NME7: variants seen among roughly 807,000 people sequenced by gnomAD.
The protein encoded by NME7 is nucleoside diphosphate kinase 7.
NME7 carries 41 observed loss-of-function variants against 49.1 expected under a neutral mutation model. The observed-to-expected ratio is 0.83, with a 90% confidence interval of 0.65 to 1.08. NME7 has a LOEUF of 1.08. NME7 is among the 50% of genes least tolerant of loss of function. The probability of loss-of-function intolerance (pLI) is 0.00; values close to 1 mark genes in which losing one functional copy is unlikely to be tolerated. For missense variants in NME7, 423 were observed against 463.4 expected (o/e 0.91, Z 0.80); for synonymous variants, 139 against 150.6 (o/e 0.92, Z 0.56).
intron 7 of NME7, among the ~76,000 whole-genome samples, chr1:169,279,738 G>A (rs149947038): frequency 9.9e-5 from 15 of 152,236 alleles, no homozygotes; most frequent in South Asian, 2.1e-4. Context: ...AGATGAACCC[G>A]GTACCTCAGA....
At chr1:169,334,564 A>C (rs1244062582) in intron 1 of NME7, among the ~76,000 whole-genome samples, 1 of 152,228 alleles carries the variant, frequency 6.6e-6, no homozygotes, top group Non-Finnish European at 1.5e-5. Context: ...AAATTAACTC[A>C]AGATGGATTA....
At chr1:169,232,912 C>CTTTTTTTTTTTTTTTTTTTTTTTTT (rs10545228) in intron 9 of NME7, among the ~76,000 whole-genome samples, 1 of 74,528 alleles carries the variant, frequency 1.3e-5, no homozygotes, top group African/African-American at 5.0e-5. Context: ...GTTTTCTTTT[C>CTTTTTTTTTTTTTTTTTTTTTTTTT]TTTTTTTTTT....
At chr1:169,275,679 C>T (rs1418229328) in intron 7 of NME7, among the ~76,000 whole-genome samples, 1 of 130,516 alleles carries the variant, frequency 7.7e-6, no homozygotes, top group Non-Finnish European at 1.8e-5. Flanking sequence ...CCCTTTATTT[C>T]CTTCTCCTGC....
intron 7 of NME7, among the ~76,000 whole-genome samples, chr1:169,244,243 T>C (rs768136901): frequency 6.6e-6 from 1 of 152,180 alleles, no homozygotes; most frequent in Non-Finnish European, 1.5e-5. Flanking sequence ...ACCATTCTGA[T>C]TCTTATCAAT....
chr1:169,313,620 T>C (rs1412693305), intron 3 of NME7, among the ~76,000 whole-genome samples: 1 of 152,102 alleles, frequency 6.6e-6, no homozygotes, highest in Non-Finnish European at 1.5e-5. Flanking sequence ...TTTACATATA[T>C]GCAATACACC....
chr1:169,219,058 T>G (rs1179158564), intron 10 of NME7, among the ~76,000 whole-genome samples: 1 of 152,192 alleles, frequency 6.6e-6, no homozygotes, highest in Non-Finnish European at 1.5e-5. Context: ...GGAACTTTCC[T>G]TCTTTGCCAA....
intron 10 of NME7, among the ~76,000 whole-genome samples, chr1:169,172,856 T>C (rs1223947945): frequency 1.3e-5 from 2 of 152,240 alleles, no homozygotes; most frequent in East Asian, 1.9e-4. Context: ...ACTTCCAATA[T>C]AGGCCTTCTT....
chr1:169,252,659 T>A (rs1648685300), intron 7 of NME7, among the ~76,000 whole-genome samples: 1 of 152,156 alleles, frequency 6.6e-6, no homozygotes. Flanking sequence ...TGAATGGTAA[T>A]CCCTAGGTTT....
chr1:169,315,919 T>C (rs554335566), intron 3 of NME7, among the ~76,000 whole-genome samples: 1 of 152,156 alleles, frequency 6.6e-6, no homozygotes, highest in South Asian at 2.1e-4. Context: ...GAATATATAA[T>C]TCTGTAACTA....
At chr1:169,300,527 A>T (rs1436817647) in intron 5 of NME7, among the ~76,000 whole-genome samples, 1 of 152,170 alleles carries the variant, frequency 6.6e-6, no homozygotes, top group Admixed American at 6.6e-5. Flanking sequence ...CAAAATATTC[A>T]CTTAAATTTA....
chr1:169,358,527 T>TA (rs1007235552), intron 1 of NME7, among the ~76,000 whole-genome samples: 20 of 152,102 alleles, frequency 1.3e-4, no homozygotes, highest in African/African-American at 3.6e-4. Flanking sequence ...AAATAATAGT[T>TA]AAAAAAAGGC....
At chr1:169,338,465 A>C (rs977898911) in intron 1 of NME7, among the ~76,000 whole-genome samples, 1 of 152,216 alleles carries the variant, frequency 6.6e-6, no homozygotes, top group Non-Finnish European at 1.5e-5. Context: ...CCACAGTATG[A>C]ATATATAGCA....
intron 4 of NME7, among the ~76,000 whole-genome samples, chr1:169,307,318 A>T (rs955426653): frequency 6.6e-6 from 1 of 152,220 alleles, no homozygotes; most frequent in Non-Finnish European, 1.5e-5. Flanking sequence ...ATATTTGTTC[A>T]CAATGAAACT....
rs1209771978 is a variant in NME7 at position 169,257,296 on chromosome 1, C to T, written c.755-19609G>A. 2.7e-4 allele frequency among the ~76,000 whole-genome samples: 36 copies of T among 134,594 alleles called. 11 individuals carry two copies. Among genetic ancestry groups the T allele is most frequent in the Admixed American group, 2.0e-3 (28 of 13,820 alleles). The allele number at this position is 134,594 out of a possible 152,430, so 88.3% of individuals were successfully genotyped here. ...CCATTTTTTAAGCCTGTCAGAAAAG[C>T]GCAGTATTTGGTTGGGAGTGACCCG... On this transcript the variant is annotated intron_variant, in intron 7 of 11. Coordinates refer to ENST00000367811, the MANE Select transcript of NME7 (RefSeq NM_013330.5).
chr1:169,263,060 AC>A (rs1649212229), intron 7 of NME7, among the ~76,000 whole-genome samples: 1 of 131,646 alleles, frequency 7.6e-6, no homozygotes, highest in African/African-American at 2.6e-5. Context: ...CCACAATCAA[AC>A]CCCCAAGGGC....
intron 10 of NME7, among the ~76,000 whole-genome samples, chr1:169,229,697 A>C (rs1236111696): frequency 1.3e-5 from 2 of 152,198 alleles, no homozygotes; most frequent in Non-Finnish European, 2.9e-5. Context: ...ATAGCGGCTC[A>C]TGCCTGTAAT....
intron 10 of NME7, among the ~76,000 whole-genome samples, chr1:169,227,947 A>C (rs867689439): frequency 1.3e-5 from 2 of 152,164 alleles, no homozygotes; most frequent in South Asian, 2.1e-4. Context: ...CTCACAGGCT[A>C]AGATCTTTGA....
rs1184460098 is a variant in NME7, at chr1:169,254,494, T to C, written c.755-16807A>G. ...TCTTGCTAGTGGTCTATCAATTTTG[T>C]TGATCCTTTCAAAAAACCAGCTCCT... On this transcript the variant is annotated intron_variant, in intron 7 of 11. Coordinates refer to ENST00000367811, the MANE Select transcript of NME7 (RefSeq NM_013330.5). 2.4e-3 allele frequency among the ~76,000 whole-genome samples: 367 copies of C among 152,002 alleles called. 2 individuals are homozygous for C. Among genetic ancestry groups the C allele is most frequent in the African/African-American group, 8.5e-3 (352 of 41,494 alleles).
At chr1:169,309,938 C>T (rs1571377065) in intron 4 of NME7, 32 bp downstream of exon 4, 1 of 1,183,764 alleles carries the variant, frequency 8.4e-7, no homozygotes, top group Non-Finnish European at 1.2e-6. Flanking sequence ...AGGAATCAGA[C>T]ATTACATAAC....
Sources: allele counts gnomAD v4.1 joint callset (sites outside exome capture counted in the v4.1 genomes callset), GRCh38; gene constraint gnomAD v4.1.1; transcripts MANE v1.5; gene names NCBI Gene and HGNC (gene_info 2026-07-23, HGNC 2026-07-21).